C1orf21: variants seen among roughly 807,000 people sequenced by gnomAD.
C1orf21 encodes the protein chromosome 1 open reading frame 21, also known as uncharacterized protein C1orf21.
Under a neutral mutation model 18.7 loss-of-function variants are expected in C1orf21, and 3 were observed. The observed-to-expected ratio is 0.16, with a 90% CI of 0.07 to 0.42. The LOEUF is 0.42. C1orf21 is among the 10% of genes least tolerant of loss of function. The probability of loss-of-function intolerance (pLI) is 0.99; values close to 1 mark genes in which losing one functional copy is unlikely to be tolerated. For missense variants in C1orf21, 104 were observed against 143.6 expected (o/e 0.72, Z 1.41); for synonymous variants, 41 against 46.4 (o/e 0.88, Z 0.47).
At chr1:184,408,397 G>A (rs1478626731) in intron 1 of C1orf21, 1 of 152,214 alleles carries the variant, frequency 6.6e-6, no homozygotes, top group Non-Finnish European at 1.5e-5. Context: ...TAGACGGCCA[G>A]CCGAATGAAC....
At chr1:184,454,476 T>C (rs1372977232) in intron 1 of C1orf21, among the ~76,000 whole-genome samples, 1 of 152,144 alleles carries the variant, frequency 6.6e-6, no homozygotes, top group Non-Finnish European at 1.5e-5. Context: ...AATATTGATA[T>C]GGTTTGGTTC....
chr1:184,625,950 G>A lies in C1orf21; in HGVS notation c.*6394G>A, dbSNP rs561304109. 1.3e-5 allele frequency: 2 copies of A among 152,338 alleles called. No homozygotes were observed. Among genetic ancestry groups the A allele is most frequent in the East Asian group, 1.9e-4 (1 of 5,180 alleles). The allele number at this position is 152,338 out of a possible 1,614,324, so 9.4% of individuals were successfully genotyped here. On this transcript the variant is annotated 3_prime_UTR_variant, in exon 6 of 6. Coordinates refer to ENST00000235307, the MANE Select transcript of C1orf21 (RefSeq NM_030806.4). ...ACAGCCACCACATGTGTCACACACT[G>A]TCCCCCTCATCCATGTGGACTTGAC...
chr1:184,447,404 C>T (rs6698504), intron 1 of C1orf21, among the ~76,000 whole-genome samples: 11,720 of 152,180 alleles, frequency 0.077, 802 homozygotes, highest in African/African-American at 0.18. Flanking sequence ...TGAATAATCA[C>T]GTTTCATGGC....
At chr1:184,468,933 G>C (rs745363872) in intron 1 of C1orf21, among the ~76,000 whole-genome samples, 4 of 117,616 alleles carry the variant, frequency 3.4e-5, no homozygotes, top group Non-Finnish European at 7.8e-5. Context: ...CAAAACAAAA[G>C]AAAACAAAAC....
chr1:184,430,877 A>T (rs979277545), intron 1 of C1orf21, among the ~76,000 whole-genome samples: 1 of 152,212 alleles, frequency 6.6e-6, no homozygotes, highest in African/African-American at 2.4e-5. Context: ...TACTTTGGGT[A>T]GAATGGCCAT....
At position 184,623,438 on chromosome 1, in the gene C1orf21, A is replaced by C. The variant is rs539815164; in HGVS notation, c.*3882A>C. 7.7e-4 allele frequency: 117 copies of C among 152,246 alleles called. No individual in the cohort carries two copies. The highest frequency in any genetic ancestry group is 2.6e-3 in the African/African-American group (108 of 41,530). 9.4% of individuals were successfully genotyped at this position (152,246 alleles called of 1,614,324 possible). A position where few individuals can be genotyped will look rare whatever the true frequency, so the allele number is the denominator to read the frequency against. On this transcript the variant is annotated 3_prime_UTR_variant, in exon 6 of 6. Coordinates refer to ENST00000235307, the MANE Select transcript of C1orf21 (RefSeq NM_030806.4). ...CTTCCCTGCTGGAAGGCATTCTCAG[A>C]GCTTTATGTCTTCGTACCTCTCAGA... is the stretch of plus-strand genomic sequence containing the variant.
intron 1 of C1orf21, among the ~76,000 whole-genome samples, chr1:184,425,177 C>T (rs939579789): frequency 2.6e-5 from 4 of 152,020 alleles, no homozygotes; most frequent in African/African-American, 9.7e-5. Context: ...CAAGATTAGC[C>T]GTCCTGACCT....
At chr1:184,394,925 G>A (rs1201650318) in intron 1 of C1orf21, among the ~76,000 whole-genome samples, 1 of 152,092 alleles carries the variant, frequency 6.6e-6, no homozygotes, top group Non-Finnish European at 1.5e-5. Flanking sequence ...ATCCATGACA[G>A]TCTAGATGCG....
intron 1 of C1orf21, among the ~76,000 whole-genome samples, chr1:184,464,582 C>T (rs1039492054): frequency 4.6e-5 from 7 of 152,214 alleles, no homozygotes; most frequent in African/African-American, 1.7e-4. Context: ...GAGATGGTTT[C>T]TGCCCTCAAA....
chr1:184,498,155 A>C (rs1373625748), intron 2 of C1orf21, among the ~76,000 whole-genome samples: 1 of 152,188 alleles, frequency 6.6e-6, no homozygotes, highest in Non-Finnish European at 1.5e-5. Flanking sequence ...ACAAAAGTGC[A>C]CTAGCCCATC....
intron 1 of C1orf21, among the ~76,000 whole-genome samples, chr1:184,448,953 A>G (rs1657074389): frequency 6.6e-6 from 1 of 152,210 alleles, no homozygotes; most frequent in African/African-American, 2.4e-5. Context: ...CTTCCTGCCT[A>G]AATATATGTA....
At chr1:184,451,812 C>T (rs1299103654) in intron 1 of C1orf21, among the ~76,000 whole-genome samples, 1 of 152,094 alleles carries the variant, frequency 6.6e-6, no homozygotes, top group South Asian at 2.1e-4. Context: ...TCCAAGTTCA[C>T]GAAAAGGGCA....
intron 2 of C1orf21, among the ~76,000 whole-genome samples, chr1:184,487,234 AGGCAGCCCCTACCT>A (rs1443300883): frequency 6.6e-6 from 1 of 152,218 alleles, no homozygotes; most frequent in Non-Finnish European, 1.5e-5. Flanking sequence ...GCACCTCTCC[AGGCAGCCCCTACCT>A]GGCCCCTGGG....
At chr1:184,567,635 C>A in intron 3 of C1orf21, 1 of 422,014 alleles carries the variant, frequency 2.4e-6, no homozygotes, top group Non-Finnish European at 4.7e-6. Flanking sequence ...GCTAGGCAGA[C>A]TGCAGCCTAC....
intron 3 of C1orf21, among the ~76,000 whole-genome samples, chr1:184,548,348 C>T (rs942199586): frequency 2.6e-5 from 4 of 151,250 alleles, no homozygotes; most frequent in Non-Finnish European, 5.9e-5. Flanking sequence ...GGTGCCTGAC[C>T]CACCTCAGTG....
At position 184,625,027 on chromosome 1, in the gene C1orf21, A is replaced by G. The variant is rs945264555; in HGVS notation, c.*5471A>G. The G allele has an allele frequency of 2.6e-5, 4 of 152,214 alleles. No individual in the cohort carries two copies. Among genetic ancestry groups the G allele is most frequent in the African/African-American group, 7.2e-5 (3 of 41,460 alleles). 9.4% of individuals were successfully genotyped at this position (152,214 alleles called of 1,614,324 possible). A position where few individuals can be genotyped will look rare whatever the true frequency, so the allele number is the denominator to read the frequency against. ...GCTTCTTTCTAACCTGGCAGCTGTC[A>G]TGTCCCTTCAAGATGATGTGGGAAA... On this transcript the variant is annotated 3_prime_UTR_variant, in exon 6 of 6. Transcript: ENST00000235307.
intron 1 of C1orf21, among the ~76,000 whole-genome samples, chr1:184,428,806 G>T (rs1031911250): frequency 5.3e-5 from 8 of 152,138 alleles, no homozygotes; most frequent in Non-Finnish European, 1.0e-4. Flanking sequence ...GAAAGAAGCT[G>T]GGTCTGAGCT....
intron 3 of C1orf21, among the ~76,000 whole-genome samples, chr1:184,575,611 T>TAAAAAAAAAAAAAAAAAAAAAAAAATA (rs59167087): frequency 1.2e-5 from 1 of 83,508 alleles, no homozygotes; most frequent in Non-Finnish European, 2.6e-5. Context: ...CACAAAAAGG[T>TAAAAAAAAAAAAAAAAAAAAAAAAATA]AAAAAAAAAA....
intron 3 of C1orf21, among the ~76,000 whole-genome samples, chr1:184,547,511 G>T (rs1658743440): frequency 7.3e-6 from 1 of 136,500 alleles, no homozygotes; most frequent in Non-Finnish European, 1.5e-5. Flanking sequence ...CATGGTTTCT[G>T]AAAACCACAG....
Sources: allele counts gnomAD v4.1 joint callset (sites outside exome capture counted in the v4.1 genomes callset), GRCh38; gene constraint gnomAD v4.1.1; transcripts MANE v1.5; gene names NCBI Gene and HGNC (gene_info 2026-07-23, HGNC 2026-07-21).